The following SEMA5A variants were observed in gnomAD, a reference collection of about 807,000 sequenced individuals.
SEMA5A encodes the protein semaphorin 5A.
A neutral mutation model predicts 135.5 loss-of-function variants in SEMA5A; 55 were observed. The ratio of observed to expected loss-of-function variants is 0.41; its 90% CI spans 0.33 to 0.51. SEMA5A has a LOEUF of 0.51. SEMA5A is among the 20% of genes least tolerant of loss of function. The pLI is 0.37. For missense variants in SEMA5A, 1,290 were observed against 1,419.9 expected (o/e 0.91, Z 1.47); for synonymous variants, 580 against 546.5 (o/e 1.06, Z -0.85).
intron 5 of SEMA5A, among the ~76,000 whole-genome samples, chr5:9,242,760 A>G (rs936083999): frequency 3.3e-5 from 5 of 152,142 alleles, no homozygotes; most frequent in African/African-American, 1.2e-4. Flanking sequence ...CCAATAACAT[A>G]TGGGAAAATA....
chr5:9,345,932 G>A (rs1343268415), intron 3 of SEMA5A, among the ~76,000 whole-genome samples: 1 of 152,060 alleles, frequency 6.6e-6, no homozygotes, highest in Non-Finnish European at 1.5e-5. Flanking sequence ...TACATGATAG[G>A]GAGAGAAGGC....
At chr5:9,338,292 T>C (rs1479622221) in intron 3 of SEMA5A, among the ~76,000 whole-genome samples, 1 of 152,244 alleles carries the variant, frequency 6.6e-6, no homozygotes, top group Non-Finnish European at 1.5e-5. Flanking sequence ...CCCTGTCCTT[T>C]GGGTTTCTAT....
intron 12 of SEMA5A, among the ~76,000 whole-genome samples, chr5:9,154,008 T>C (rs1742780184): frequency 6.9e-6 from 1 of 144,214 alleles, no homozygotes; most frequent in Admixed American, 7.0e-5. Flanking sequence ...GTCTCACCAT[T>C]GTACTCTAGC....
intron 1 of SEMA5A, among the ~76,000 whole-genome samples, chr5:9,534,990 T>C (rs1737676519): frequency 1.3e-5 from 2 of 152,208 alleles, no homozygotes; most frequent in Admixed American, 1.3e-4. Flanking sequence ...AGCACCTACA[T>C]TGACTCCTTG....
intron 16 of SEMA5A, among the ~76,000 whole-genome samples, chr5:9,073,127 C>T (rs1012109913): frequency 3.3e-5 from 5 of 152,146 alleles, no homozygotes; most frequent in African/African-American, 1.2e-4. Flanking sequence ...CAGACAAAGA[C>T]AGAAAGAAAG....
At chr5:9,316,565 T>C (rs1401823346) in intron 5 of SEMA5A, among the ~76,000 whole-genome samples, 4 of 152,208 alleles carry the variant, frequency 2.6e-5, no homozygotes, top group Admixed American at 1.3e-4. Context: ...GTATAATATG[T>C]AGTTTCTATC....
At chr5:9,158,475 T>A (rs1462662234) in intron 11 of SEMA5A, among the ~76,000 whole-genome samples, 8 of 150,114 alleles carry the variant, frequency 5.3e-5, no homozygotes, top group Non-Finnish European at 8.9e-5. Context: ...ATCTTCTTAA[T>A]CATTCTTTAA....
At chr5:9,140,016 C>T (rs1367217362) in intron 12 of SEMA5A, among the ~76,000 whole-genome samples, 1 of 152,066 alleles carries the variant, frequency 6.6e-6, no homozygotes, top group African/African-American at 2.4e-5. Flanking sequence ...ATCTCAAACC[C>T]CACACAAAAC....
chr5:9,483,215 G>C (rs1420657279), intron 1 of SEMA5A, among the ~76,000 whole-genome samples: 1 of 151,742 alleles, frequency 6.6e-6, no homozygotes, highest in Non-Finnish European at 1.5e-5. Context: ...TTCTGTCTTT[G>C]GGGCTGTCTC....
At chr5:9,252,821 G>C (rs1748870039) in intron 5 of SEMA5A, among the ~76,000 whole-genome samples, 1 of 152,172 alleles carries the variant, frequency 6.6e-6, no homozygotes, top group Admixed American at 6.5e-5. Context: ...ATACAGCTCA[G>C]AGCAGGGACA....
intron 5 of SEMA5A, among the ~76,000 whole-genome samples, chr5:9,307,249 C>T (rs1166647899): frequency 6.6e-6 from 1 of 152,174 alleles, no homozygotes; most frequent in Non-Finnish European, 1.5e-5. Context: ...ACATTGTGTT[C>T]TAATGAAGAA....
chr5:9,063,863 G>C (rs915981271), intron 17 of SEMA5A, among the ~76,000 whole-genome samples: 1 of 152,214 alleles, frequency 6.6e-6, no homozygotes, highest in African/African-American at 2.4e-5. Context: ...GATGTGTACA[G>C]TGAGCACTTT....
intron 16 of SEMA5A, among the ~76,000 whole-genome samples, chr5:9,079,324 C>T (rs1738242383): frequency 2.0e-5 from 3 of 151,954 alleles, no homozygotes; most frequent in Admixed American, 2.0e-4. Flanking sequence ...GGATAAATAA[C>T]AAAATTAAGG....
chr5:9,303,007 A>G lies in SEMA5A; in HGVS notation c.270+15365T>C, dbSNP rs570516318. 7.9e-5 allele frequency among the ~76,000 whole-genome samples: 12 copies of G among 152,278 alleles called. No individual in the cohort carries two copies. The South Asian group carries it at 2.5e-3, about 32-fold the overall frequency. On this transcript the variant is annotated intron_variant, in intron 5 of 22. Coordinates refer to ENST00000382496, the MANE Select transcript of SEMA5A (RefSeq NM_003966.3). ...ATTATGGTAAAGTATAAAATGAAAA[A>G]TCCAAACCACTCACCACATGGAAAC...
chr5:9,154,031 G>A (rs1391657544), intron 12 of SEMA5A, among the ~76,000 whole-genome samples: 1 of 124,812 alleles, frequency 8.0e-6, no homozygotes, highest in Non-Finnish European at 1.6e-5. Flanking sequence ...GGGTGACAGA[G>A]TGAGACTGTG....
intron 1 of SEMA5A, among the ~76,000 whole-genome samples, chr5:9,532,979 G>A (rs912840017): frequency 6.6e-6 from 1 of 152,172 alleles, no homozygotes; most frequent in African/African-American, 2.4e-5. Context: ...TGTTCACTTT[G>A]TCAAGCACCT....
In SEMA5A at chr5:9,224,676, T is replaced by G; in HGVS notation, c.644A>C (p.Asn215Thr). ...RTAQYNSKWL[N>T]EPNFVSSYDI... ...AGAGGGAGTGACGGAAGGCTTACCA[T>G]TGAGCCATTTGGAGTTGTACTGCGC... Residue 215 changes from asparagine (N) to threonine (T), a missense_variant and splice_region_variant, in exon 8 of 23, where the codon AAT becomes ACT. Transcript: ENST00000382496. 3 of 1,614,030 alleles carry G rather than the reference T, an allele frequency of 1.9e-6. No individual in the cohort carries two copies. Among genetic ancestry groups the G allele is most frequent in the Non-Finnish European group, 2.5e-6 (3 of 1,179,904 alleles).
At chr5:9,172,865 C>T in intron 11 of SEMA5A, among the ~76,000 whole-genome samples, 1 of 152,158 alleles carries the variant, frequency 6.6e-6, no homozygotes, top group East Asian at 1.9e-4. Flanking sequence ...ATGTATTTAA[C>T]AAGATTCACT....
intron 13 of SEMA5A, among the ~76,000 whole-genome samples, chr5:9,130,850 T>C (rs943569145): frequency 2.0e-5 from 3 of 152,220 alleles, no homozygotes; most frequent in African/African-American, 7.2e-5. Context: ...AGATTAGGTA[T>C]AATGTCAAAA....
Sources: gnomAD v4.1 joint callset for allele counts (sites outside exome capture counted in the v4.1 genomes callset) on GRCh38, gnomAD v4.1.1 for gene constraint, MANE v1.5 for transcripts, NCBI Gene and HGNC (gene_info 2026-07-23, HGNC 2026-07-21) for gene names.